Variants in TENM2 observed in about 807,000 individuals in gnomAD.
The protein encoded by TENM2 is teneurin transmembrane protein 2, also known as teneurin-2.
TENM2 carries 52 observed loss-of-function variants against 245.2 expected under a neutral mutation model. That is an observed-to-expected ratio of 0.21 (90% CI 0.17 to 0.27). TENM2 has a LOEUF of 0.27. Ranked by LOEUF, TENM2 falls within the 10% of genes least tolerant of loss-of-function variation. The pLI is 1.00. For synonymous variants in TENM2, 1,363 were observed against 1,438.9 expected, an observed-to-expected ratio of 0.95 and a Z score of 1.19; for missense variants, 3,046 against 3,666.8, an observed-to-expected ratio of 0.83 and a Z score of 4.37.
chr5:167,771,119 C>T (rs1763375352), intron 2 of TENM2, among the ~76,000 whole-genome samples: 1 of 151,996 alleles, frequency 6.6e-6, no homozygotes, highest in South Asian at 2.1e-4. Flanking sequence ...CATTATAAGG[C>T]TACTTCAATC....
chr5:167,098,834 C>T, the TENM2 span, among the ~76,000 whole-genome samples: 1 of 152,170 alleles, frequency 6.6e-6, no homozygotes, highest in South Asian at 2.1e-4. Flanking sequence ...GTATCAGCCT[C>T]GTGCATCAAC....
At chr5:167,739,905 C>A (rs1761055959) in intron 2 of TENM2, among the ~76,000 whole-genome samples, 1 of 152,194 alleles carries the variant, frequency 6.6e-6, no homozygotes, top group East Asian at 1.9e-4. Flanking sequence ...TATGTGATAA[C>A]TAATTACTTG....
chr5:166,997,216 G>A, the TENM2 span, among the ~76,000 whole-genome samples: 146,517 of 152,182 alleles, frequency 0.96, 70,603 homozygotes, highest in African/African-American at 0.99. Flanking sequence ...AAAATAAACC[G>A]CTTCAATATG....
At chr5:167,607,892 C>A (rs2127741845) in intron 2 of TENM2, among the ~76,000 whole-genome samples, 1 of 152,278 alleles carries the variant, frequency 6.6e-6, no homozygotes, top group South Asian at 2.1e-4. Context: ...CCCGCCCCTA[C>A]ATAGCCCATT....
chr5:168,048,429 C>G (rs1227193590), intron 6 of TENM2, among the ~76,000 whole-genome samples: 1 of 152,146 alleles, frequency 6.6e-6, no homozygotes, highest in East Asian at 1.9e-4. Flanking sequence ...CGGAAACACC[C>G]TACAGGGATA....
At chr5:167,331,284 G>A (rs4868791) in intron 1 of TENM2, among the ~76,000 whole-genome samples, 89,545 of 149,096 alleles carry the variant, frequency 0.6, 27,019 homozygotes, top group Admixed American at 0.66. Flanking sequence ...GGAAAAAAGA[G>A]AAGTATTATG....
At chr5:167,571,364 CTG>C (rs1005922906) in intron 2 of TENM2, among the ~76,000 whole-genome samples, 1 of 152,184 alleles carries the variant, frequency 6.6e-6, no homozygotes, top group African/African-American at 2.4e-5. Context: ...GTTCCAAAAA[CTG>C]AGCACTTAAC....
the TENM2 span, among the ~76,000 whole-genome samples, chr5:167,171,572 C>G: frequency 6.6e-6 from 1 of 152,104 alleles, no homozygotes; most frequent in Non-Finnish European, 1.5e-5. Context: ...CTGTTTTCAC[C>G]TCCAGAACTG....
At chr5:168,109,956 G>A (rs781478330) in intron 9 of TENM2, among the ~76,000 whole-genome samples, 5 of 151,302 alleles carry the variant, frequency 3.3e-5, no homozygotes, top group Non-Finnish European at 7.4e-5. Context: ...TGGCAGTTGC[G>A]TTACCAAACA....
intron 2 of TENM2, among the ~76,000 whole-genome samples, chr5:167,872,549 AGAAAG>A (rs1237517099): frequency 3.6e-5 from 1 of 27,628 alleles, no homozygotes; most frequent in African/African-American, 1.6e-4. Flanking sequence ...AGAAAGAAAG[AGAAAG>A]AAAGAAAGAA....
the TENM2 span, among the ~76,000 whole-genome samples, chr5:167,115,321 A>C: frequency 2.6e-5 from 4 of 152,058 alleles, no homozygotes; most frequent in South Asian, 2.1e-4. Context: ...TTCTGAGGGC[A>C]CCTGCCTTGA....
the TENM2 span, among the ~76,000 whole-genome samples, chr5:167,226,263 TC>T: frequency 7.0e-6 from 1 of 142,600 alleles, no homozygotes; most frequent in Non-Finnish European, 1.5e-5. Flanking sequence ...ATTTGCAATA[TC>T]CCTACTTTTT....
Position 168,084,761 on chromosome 5 carries a change from G to C in TENM2, c.1516-5813G>C, listed in dbSNP as rs1273746519. On this transcript the variant is annotated intron_variant, in intron 7 of 28. Transcript: ENST00000518659. The stretch of plus-strand genomic sequence containing the variant: ...GGGCCAGCTCCCAAAGCCACTTACA[G>C]ACCAAGTACAGCCAACACCCAGCAA... Among the ~76,000 whole-genome samples the C allele has an allele frequency of 1.3e-5, 2 of 152,312 alleles. 1 individual carries two copies. Among genetic ancestry groups the C allele is most frequent in the South Asian group, 4.1e-4 (2 of 4,820 alleles).
intron 5 of TENM2, among the ~76,000 whole-genome samples, chr5:168,003,078 C>T (rs2152048130): frequency 6.6e-6 from 1 of 152,256 alleles, no homozygotes; most frequent in African/African-American, 2.4e-5. Context: ...GTTTCATTTT[C>T]CCAGGACCAT....
At chr5:167,182,678 G>A in the TENM2 span, among the ~76,000 whole-genome samples, 2 of 151,854 alleles carry the variant, frequency 1.3e-5, no homozygotes, top group Non-Finnish European at 2.9e-5. Flanking sequence ...TATTTTTGAC[G>A]GGAGGAATGG....
At chr5:167,119,761 C>T in the TENM2 span, among the ~76,000 whole-genome samples, 5 of 152,196 alleles carry the variant, frequency 3.3e-5, no homozygotes, top group East Asian at 9.6e-4. Flanking sequence ...ACCATAGCAA[C>T]CTGCTTTGTG....
intron 1 of TENM2, among the ~76,000 whole-genome samples, chr5:167,362,532 A>T (rs1428901094): frequency 6.6e-6 from 1 of 152,186 alleles, no homozygotes; most frequent in African/African-American, 2.4e-5. Flanking sequence ...TGAGATCTAG[A>T]ATAATTCTTC....
chr5:167,134,863 AC>A, the TENM2 span, among the ~76,000 whole-genome samples: 1 of 152,190 alleles, frequency 6.6e-6, no homozygotes, highest in Non-Finnish European at 1.5e-5. Context: ...GCTTTAAAAC[AC>A]CCACACAAAA....
chr5:167,422,992 G>A (rs182075482), intron 2 of TENM2, among the ~76,000 whole-genome samples: 12 of 152,232 alleles, frequency 7.9e-5, no homozygotes, highest in South Asian at 2.1e-4. Flanking sequence ...GTTGTGCAGC[G>A]TTGACTCCTG....
Sources: allele counts gnomAD v4.1 joint callset (sites outside exome capture counted in the v4.1 genomes callset), GRCh38; gene constraint gnomAD v4.1.1; transcripts MANE v1.5; gene names NCBI Gene and HGNC (gene_info 2026-07-23, HGNC 2026-07-21).